Variants in MMD2 observed in about 807,000 individuals in gnomAD.
MMD2 encodes the protein monocyte to macrophage differentiation associated 2.
MMD2 carries 30 observed loss-of-function variants against 33.5 expected under a neutral mutation model. The observed-to-expected ratio is 0.90, with a 90% CI of 0.67 to 1.22. The LOEUF (loss-of-function observed/expected upper bound fraction) is 1.22. Among genes scored for constraint, MMD2 ranks in the 50% most tolerant of loss-of-function variants. MMD2 has a pLI of 0.00. For missense variants in MMD2, 364 were observed against 325.4 expected (o/e 1.12, Z -0.91); for synonymous variants, 129 against 123.0 (o/e 1.05, Z -0.32).
the MMD2 span, among the ~76,000 whole-genome samples, chr7:4,897,522 T>C: frequency 6.6e-6 from 1 of 152,146 alleles, no homozygotes; most frequent in Admixed American, 6.6e-5. Context: ...CAGTTTCCGT[T>C]TCCTCCCACC....
At chr7:4,938,301 G>A (rs1216608338) in intron 1 of MMD2, among the ~76,000 whole-genome samples, 1 of 151,934 alleles carries the variant, frequency 6.6e-6, no homozygotes, top group Non-Finnish European at 1.5e-5. Flanking sequence ...GAGCCACCAC[G>A]CCCGGCCCAA....
intron 6 of MMD2, 181 bp downstream of exon 6, chr7:4,909,700 G>A (rs974229077): frequency 1.2e-5 from 10 of 822,960 alleles, no homozygotes; most frequent in Non-Finnish European, 2.1e-5. Context: ...CCTCCCAAAG[G>A]ACTGGATTAT....
At chr7:4,915,498 G>C (rs1233355470) in intron 4 of MMD2, among the ~76,000 whole-genome samples, 2 of 151,944 alleles carry the variant, frequency 1.3e-5, no homozygotes, top group African/African-American at 4.8e-5. Flanking sequence ...CAAACACTTT[G>C]GGAGGCTGAG....
downstream of MMD2, among the ~76,000 whole-genome samples, chr7:4,905,174 C>T (rs1009080718): frequency 1.3e-5 from 2 of 151,236 alleles, no homozygotes; most frequent in South Asian, 2.1e-4. This position sits in a 1 kb window ranked among gnomAD's most constrained non-coding sequence, Gnocchi z 5.0. Context: ...TGCTATGGGG[C>T]CACTAAAGAA....
chr7:4,941,632 A>G (rs890355737), intron 1 of MMD2, among the ~76,000 whole-genome samples: 2 of 40,954 alleles, frequency 4.9e-5, no homozygotes, highest in Non-Finnish European at 1.8e-4. Context: ...CCTGTCTCAA[A>G]AAAAAAAAAA....
intron 3 of MMD2, among the ~76,000 whole-genome samples, chr7:4,916,430 T>G (rs533014413): frequency 2.3e-3 from 321 of 138,240 alleles, no homozygotes; most frequent in Middle Eastern, 8.0e-3. Flanking sequence ...TCTCCCAGGC[T>G]GGAGTGCAGT....
chr7:4,909,856 T>C, intron 6 of MMD2, 25 bp downstream of exon 6: 2 of 1,599,620 alleles, frequency 1.3e-6, no homozygotes, highest in Non-Finnish European at 1.7e-6. Flanking sequence ...CAGGGACTCA[T>C]CTATGCAGGG....
Position 4,907,240 on chromosome 7 carries a change from G to A in MMD2, c.*156C>T, listed in dbSNP as rs141353260. On this transcript the variant is annotated 3_prime_UTR_variant, in exon 7 of 7. Transcript: ENST00000401401. ...ATGCTTTCTTTCTCGCTGGGGACTC[G>A]AGGGATGATCTGGCTGTCACCAGAA... 75 of 667,088 alleles carry A rather than the reference G, an allele frequency of 1.1e-4. 1 individual carries two copies. The highest frequency in any genetic ancestry group is 2.4e-4 in the South Asian group (13 of 53,282). The allele number at this position is 667,088 out of a possible 1,614,324, so 41.3% of individuals were successfully genotyped here. A position where few individuals can be genotyped will look rare whatever the true frequency, so the allele number is the denominator to read the frequency against.
In MMD2 at chr7:4,910,025, T is replaced by C. The variant is rs765243435; in HGVS notation, c.468-75A>G. On this transcript the variant is annotated intron_variant, in intron 5 of 6. Transcript: ENST00000401401. ...GAAACTGCACACAGCTCCCTGTTCT[T>C]GGGGAAGAGGGAACACTCTGGCCAG... The C allele has an allele frequency of 1.2e-4, 186 of 1,613,656 alleles. 3 individuals are homozygous for C. The Middle Eastern group carries it at 2.3e-3, about 20-fold the overall frequency.
chr7:4,894,619 G>A, the MMD2 span, among the ~76,000 whole-genome samples: 16 of 152,014 alleles, frequency 1.1e-4, no homozygotes, highest in African/African-American at 3.9e-4. This position sits in a 1 kb window ranked among gnomAD's most constrained non-coding sequence, Gnocchi z 4.3. Flanking sequence ...CTCCCTTCGT[G>A]GGCGGGAACT....
At chr7:4,899,137 C>T in the MMD2 span, among the ~76,000 whole-genome samples, 1 of 152,126 alleles carries the variant, frequency 6.6e-6, no homozygotes, top group Non-Finnish European at 1.5e-5. Context: ...AATGAGAAAA[C>T]ACCACCTACG....
Position 4,911,019 on chromosome 7 carries a change from G to A in MMD2, c.467+126C>T, listed in dbSNP as rs888562714. 2.0e-5 allele frequency: 16 copies of A among 783,964 alleles called. No homozygotes were observed. In the South Asian group the frequency reaches 2.4e-4, roughly 12 times the overall value. The allele number at this position is 783,964 out of a possible 1,614,324, so 48.6% of individuals were successfully genotyped here. A position where few individuals can be genotyped will look rare whatever the true frequency, so the allele number is the denominator to read the frequency against. On this transcript the variant is annotated intron_variant, in intron 5 of 6. Coordinates refer to ENST00000401401, the MANE Select transcript of MMD2 (RefSeq NM_198403.4). ...GTGGCCACCCATGAGCCTGAATGACGTGACAGCCAGAGCTGTGCTCTCACG... is the reference window on the plus strand; with the variant it reads ...GTGGCCACCCATGAGCCTGAATGACATGACAGCCAGAGCTGTGCTCTCACG...
At chr7:4,948,881 C>T (rs1235819613) in intron 1 of MMD2, among the ~76,000 whole-genome samples, 8 of 152,130 alleles carry the variant, frequency 5.3e-5, no homozygotes, top group South Asian at 2.1e-4. Context: ...GGCACAGTCA[C>T]GGCTCACACA....
At chr7:4,926,732 A>G (rs759357890) in intron 1 of MMD2, among the ~76,000 whole-genome samples, 41 of 151,872 alleles carry the variant, frequency 2.7e-4, no homozygotes, top group Non-Finnish European at 3.8e-4. Flanking sequence ...AGCAACTGGT[A>G]GTTTTCTTTT....
chr7:4,893,436 G>T, the MMD2 span, among the ~76,000 whole-genome samples: 2 of 151,242 alleles, frequency 1.3e-5, no homozygotes, highest in African/African-American at 4.9e-5. Flanking sequence ...CTGTCACTCA[G>T]GCTGGAGTGC....
intron 1 of MMD2, among the ~76,000 whole-genome samples, chr7:4,933,378 T>C (rs1363234726): frequency 6.6e-6 from 1 of 152,156 alleles, no homozygotes; most frequent in Admixed American, 6.6e-5. Context: ...ACAAAATGTA[T>C]TGAAGGTAAA....
intron 1 of MMD2, among the ~76,000 whole-genome samples, chr7:4,949,541 C>G (rs1786182325): frequency 6.6e-6 from 1 of 151,116 alleles, no homozygotes; most frequent in African/African-American, 2.4e-5. Flanking sequence ...TAGATGGAGT[C>G]TCACTCTCTT....
intron 1 of MMD2, among the ~76,000 whole-genome samples, chr7:4,939,220 A>G (rs1184571672): frequency 1.3e-5 from 2 of 149,626 alleles, no homozygotes; most frequent in Non-Finnish European, 3.0e-5. Flanking sequence ...ACCCAAAAAA[A>G]ACAAAGTTGA....
At chr7:4,914,684 A>G (rs1480669694) in intron 4 of MMD2, among the ~76,000 whole-genome samples, 1 of 152,154 alleles carries the variant, frequency 6.6e-6, no homozygotes, top group Non-Finnish European at 1.5e-5. Flanking sequence ...TAATCTCATC[A>G]CTGTGGGAGG....
Sources: allele counts gnomAD v4.1 joint callset (sites outside exome capture counted in the v4.1 genomes callset), GRCh38; gene constraint gnomAD v4.1.1; non-coding constraint Gnocchi (gnomAD v3.1); transcripts MANE v1.5; gene names NCBI Gene and HGNC (gene_info 2026-07-23, HGNC 2026-07-21).